Variants in FLT1 observed in about 807,000 individuals in gnomAD.
FLT1 encodes vascular endothelial growth factor receptor 1.
A neutral mutation model predicts 156.3 loss-of-function variants in FLT1; 49 were observed. That is an observed-to-expected ratio of 0.31 (90% CI 0.25 to 0.40). The LOEUF (loss-of-function observed/expected upper bound fraction) is 0.40. Among genes scored for constraint, FLT1 ranks in the 10% least tolerant of loss-of-function variants. The probability of loss-of-function intolerance (pLI) is 1.00; values close to 1 mark genes in which losing one functional copy is unlikely to be tolerated. For missense variants in FLT1, 1,322 were observed against 1,637.2 expected (o/e 0.81, Z 3.32); for synonymous variants, 594 against 583.8 (o/e 1.02, Z -0.25).
chr13:28,401,524 G>C (rs1253354570), intron 11 of FLT1, among the ~76,000 whole-genome samples: 1 of 152,190 alleles, frequency 6.6e-6, no homozygotes, highest in African/African-American at 2.4e-5. Flanking sequence ...TGGATGGGCT[G>C]ATGTGTCATT....
At chr13:28,470,793 C>T (rs1187081464) in intron 1 of FLT1, among the ~76,000 whole-genome samples, 2 of 152,140 alleles carry the variant, frequency 1.3e-5, no homozygotes, top group African/African-American at 2.4e-5. Flanking sequence ...TGGGTTCAAG[C>T]GATTCTCCTG....
intron 3 of FLT1, among the ~76,000 whole-genome samples, chr13:28,463,816 G>T (rs1047172195): frequency 6.6e-6 from 1 of 152,116 alleles, no homozygotes; most frequent in Non-Finnish European, 1.5e-5. Context: ...AAAATAATGA[G>T]AGAGAGACAT....
rs1380855243 is a variant in FLT1, at chr13:28,306,720, A to C, written c.3773T>G (p.Phe1258Cys). The change falls in exon 29 of 30, where the codon TTC becomes TGC. Residue 1258 changes from phenylalanine (F) to cysteine (C), a missense_variant. Coordinates refer to ENST00000282397, the MANE Select transcript of FLT1 (RefSeq NM_002019.4). ...CTTGGGTTTGCTGTCAGTCCAGGTG[A>C]AGCGCTTCAGCATGGGAGAGGCCAA... ...TLLASPMLKR[F>C]TWTDSKPKAS... The C allele has an allele frequency of 6.2e-7, 1 of 1,613,846 alleles. No individual in the cohort carries two copies.
In FLT1 at chr13:28,439,081, A is replaced by G. The variant is rs1240491402; in HGVS notation, c.389-736T>C. On this transcript the variant is annotated intron_variant, in intron 3 of 29. Transcript: ENST00000282397. The surrounding 1 kb of genome is among the most constrained non-coding windows in gnomAD (Gnocchi z 4.1). ...TTTAAGCACCAATACTTCCTTAAAA[A>G]GCGTGGCATTTGGCCAGTCTCAGAG... 6.6e-6 allele frequency among the ~76,000 whole-genome samples: 1 copy of G among 152,226 alleles called. No individual in the cohort carries two copies. The highest frequency in any genetic ancestry group is 1.5e-5 in the Non-Finnish European group (1 of 68,038).
At chr13:28,468,050 A>G (rs1879947782) in intron 1 of FLT1, among the ~76,000 whole-genome samples, 1 of 152,198 alleles carries the variant, frequency 6.6e-6, no homozygotes, top group African/African-American at 2.4e-5. Flanking sequence ...CTAGTCCTAT[A>G]GGCCTGTCTC....
chr13:28,368,567 A>C (rs1470547938), intron 14 of FLT1: 2 of 1,474,404 alleles, frequency 1.4e-6, no homozygotes, highest in Admixed American at 2.0e-5. Context: ...TGATGATGAT[A>C]ATGATGATAG....
At chr13:28,402,605 TGTGA>T (rs1182826777) in intron 11 of FLT1, among the ~76,000 whole-genome samples, 3 of 151,960 alleles carry the variant, frequency 2.0e-5, no homozygotes, top group Non-Finnish European at 4.4e-5. Context: ...CTTTGTTTAG[TGTGA>T]GTATTAAAAG....
intron 1 of FLT1, among the ~76,000 whole-genome samples, chr13:28,473,787 AAAGAAAGAAAG>A (rs1341047066): frequency 2.6e-5 from 3 of 113,976 alleles, no homozygotes; most frequent in African/African-American, 1.1e-4. Context: ...GGAAAGAAAG[AAAGAAAGAAAG>A]AAAGAAAGAA....
In FLT1 at chr13:28,322,021, G is replaced by A. The variant is rs752562271; in HGVS notation, c.3051+241C>T. 5.3e-5 allele frequency among the ~76,000 whole-genome samples: 8 copies of A among 152,180 alleles called. No homozygotes were observed. Among genetic ancestry groups the A allele is most frequent in the Admixed American group, 6.5e-5 (1 of 15,286 alleles). ...ATGCCAGAGGATACTGTGGAGAGCC[G>A]ATGCCAGGTTTGTCTAGTCTGAAAC... On this transcript the variant is annotated intron_variant, in intron 22 of 29. Transcript: ENST00000282397. The surrounding 1 kb of genome is among the most constrained non-coding windows in gnomAD (Gnocchi z 4.3).
At chr13:28,416,859 T>C (rs1053446654) in intron 10 of FLT1, among the ~76,000 whole-genome samples, 1 of 152,190 alleles carries the variant, frequency 6.6e-6, no homozygotes, top group Non-Finnish European at 1.5e-5. Flanking sequence ...GTGATCATCT[T>C]ATATAATTTT....
At chr13:28,385,060 T>C (rs1320789295) in intron 13 of FLT1, 29 bp from the exon 14 acceptor site, 3 of 1,613,116 alleles carry the variant, frequency 1.9e-6, no homozygotes, top group Non-Finnish European at 2.5e-6. Context: ...GAGCTGTGAT[T>C]ACTCGTCAAC....
chr13:28,367,710 C>A (rs550711329), intron 14 of FLT1, among the ~76,000 whole-genome samples: 5 of 152,208 alleles, frequency 3.3e-5, no homozygotes, highest in East Asian at 1.9e-4. Flanking sequence ...TGTTCCCCCC[C>A]ACACACAAAA....
At position 28,494,847 on chromosome 13, in the gene FLT1, G is replaced by T. The variant is rs768255317; in HGVS notation, c.-4C>A. The T allele has an allele frequency of 7.1e-6, 11 of 1,553,902 alleles. No individual in the cohort carries two copies. The South Asian group carries it at 1.1e-4, about 15-fold the overall frequency. ...CGGTGTCCCAGTAGCTGACCATGGTGAGCGCGACGCGGCCTGCTCGCCCGG... is the reference window on the plus strand; with the variant it reads ...CGGTGTCCCAGTAGCTGACCATGGTTAGCGCGACGCGGCCTGCTCGCCCGG... On this transcript the variant is annotated 5_prime_UTR_variant, in exon 1 of 30. Transcript: ENST00000282397.
chr13:28,389,155 A>C, intron 13 of FLT1: 1 of 1,071,560 alleles, frequency 9.3e-7, no homozygotes, highest in Non-Finnish European at 1.1e-6. Flanking sequence ...GTAAAAAAAA[A>C]AAAAGCATTT....
chr13:28,343,556 T>A (rs1418401960), intron 16 of FLT1, among the ~76,000 whole-genome samples: 1 of 151,916 alleles, frequency 6.6e-6, no homozygotes, highest in Non-Finnish European at 1.5e-5. Flanking sequence ...CCACCCTGAG[T>A]GCCAGGCGTC....
chr13:28,385,397 T>A (rs906129456), intron 13 of FLT1, among the ~76,000 whole-genome samples: 1 of 152,194 alleles, frequency 6.6e-6, no homozygotes, highest in African/African-American at 2.4e-5. Context: ...TTGTGTATAG[T>A]CTTGTAATGA....
chr13:28,492,053 AT>A (rs1221411337), intron 1 of FLT1, among the ~76,000 whole-genome samples: 2 of 152,184 alleles, frequency 1.3e-5, no homozygotes, highest in Non-Finnish European at 2.9e-5. Context: ...TAAATAATTA[AT>A]ATTTCGAATA....
intron 3 of FLT1, among the ~76,000 whole-genome samples, chr13:28,441,892 T>C (rs1307619954): frequency 1.3e-5 from 2 of 152,232 alleles, no homozygotes; most frequent in Non-Finnish European, 2.9e-5. Flanking sequence ...CATTATTTTA[T>C]AGTAATATTT....
chr13:28,456,412 A>G (rs1429440882), intron 3 of FLT1, among the ~76,000 whole-genome samples: 1 of 152,170 alleles, frequency 6.6e-6, no homozygotes, highest in African/African-American at 2.4e-5. Context: ...ATATTACAAA[A>G]TGAAGGAAGC....
Sources: gnomAD v4.1 joint callset for allele counts (sites outside exome capture counted in the v4.1 genomes callset) on GRCh38, gnomAD v4.1.1 for gene constraint, Gnocchi (gnomAD v3.1) non-coding constraint, MANE v1.5 for transcripts, NCBI Gene and HGNC (gene_info 2026-07-23, HGNC 2026-07-21) for gene names.